The following HECW1 variants were observed in gnomAD, a reference collection of about 807,000 sequenced individuals.
HECW1 encodes E3 ubiquitin-protein ligase HECW1.
Under a neutral mutation model 182.3 loss-of-function variants are expected in HECW1, and 61 were observed. The ratio of observed to expected loss-of-function variants is 0.33; its 90% CI spans 0.27 to 0.41. The LOEUF (loss-of-function observed/expected upper bound fraction) is 0.41, where lower values mean the gene tolerates loss of function less well. Among genes scored for constraint, HECW1 ranks in the 10% least tolerant of loss-of-function variants. The pLI is 1.00. For missense variants in HECW1, 1,739 were observed against 2,108.9 expected (o/e 0.82, Z 3.44); for synonymous variants, 859 against 832.6 (o/e 1.03, Z -0.55).
chr7:43,277,511 T>A (rs1368746686), intron 3 of HECW1, among the ~76,000 whole-genome samples: 1 of 152,118 alleles, frequency 6.6e-6, no homozygotes, highest in Non-Finnish European at 1.5e-5. Context: ...TAAGAACCCA[T>A]GACTGTATTC....
Position 43,416,350 on chromosome 7 carries a change from G to A in HECW1, c.801+8619G>A, listed in dbSNP as rs1312396973. On this transcript the variant is annotated intron_variant, in intron 8 of 29. Coordinates refer to ENST00000395891, the MANE Select transcript of HECW1 (RefSeq NM_015052.5). ...CCCAGTTAGGCTGCTCGGGGGTCAGGGGTCAGGGACCCACTTGAGGAGGCA... is the reference window on the plus strand; with the variant it reads ...CCCAGTTAGGCTGCTCGGGGGTCAGAGGTCAGGGACCCACTTGAGGAGGCA... Among the ~76,000 whole-genome samples, 82 of 147,650 alleles carry A rather than the reference G, an allele frequency of 5.6e-4. 1 individual carries two copies. Among genetic ancestry groups the A allele is most frequent in the Admixed American group, 1.3e-3 (19 of 14,860 alleles).
At chr7:43,187,304 C>T (rs1371245220) in intron 2 of HECW1, among the ~76,000 whole-genome samples, 2 of 151,870 alleles carry the variant, frequency 1.3e-5, no homozygotes, top group Non-Finnish European at 2.9e-5. Context: ...ATTCTCTTCA[C>T]TAGAAGTGAG....
At chr7:43,324,769 A>G (rs967891662) in intron 5 of HECW1, among the ~76,000 whole-genome samples, 2 of 152,236 alleles carry the variant, frequency 1.3e-5, no homozygotes, top group African/African-American at 4.8e-5. Flanking sequence ...GTACAACAGA[A>G]GCTCATTCTT....
At chr7:43,175,289 C>G (rs541391283) in intron 2 of HECW1, among the ~76,000 whole-genome samples, 1 of 152,178 alleles carries the variant, frequency 6.6e-6, no homozygotes, top group Non-Finnish European at 1.5e-5. Context: ...AATCCACTCT[C>G]AGCAATTTGT....
intron 2 of HECW1, among the ~76,000 whole-genome samples, chr7:43,169,625 T>C (rs1791470046): frequency 6.6e-6 from 1 of 152,268 alleles, no homozygotes; most frequent in African/African-American, 2.4e-5. Context: ...ATGACCAGTG[T>C]TATAAACTCC....
At chr7:43,412,182 T>C (rs2075823029) in intron 8 of HECW1, among the ~76,000 whole-genome samples, 1 of 152,136 alleles carries the variant, frequency 6.6e-6, no homozygotes, top group Non-Finnish European at 1.5e-5. Context: ...TACATTGAGT[T>C]AATTTTGTAC....
chr7:43,271,325 C>T (rs1802383313), intron 3 of HECW1, among the ~76,000 whole-genome samples: 1 of 152,114 alleles, frequency 6.6e-6, no homozygotes, highest in South Asian at 2.1e-4. Flanking sequence ...ACAACTCTCA[C>T]CTATTCAACA....
chr7:43,272,673 A>G (rs1802555577), intron 3 of HECW1, among the ~76,000 whole-genome samples: 1 of 152,156 alleles, frequency 6.6e-6, no homozygotes, highest in Non-Finnish European at 1.5e-5. Flanking sequence ...CAAAAAACAG[A>G]TGATGGCATG....
At chr7:43,195,132 C>A (rs778561948) in intron 2 of HECW1, among the ~76,000 whole-genome samples, 2 of 152,184 alleles carry the variant, frequency 1.3e-5, no homozygotes, top group Non-Finnish European at 2.9e-5. Context: ...GAAGGATTCC[C>A]AGATCCTAAG....
At chr7:43,336,860 G>A (rs989004721) in intron 5 of HECW1, among the ~76,000 whole-genome samples, 11 of 152,072 alleles carry the variant, frequency 7.2e-5, no homozygotes, top group Admixed American at 1.3e-4. Context: ...CTCCATCCAC[G>A]TTGCTGCGAA....
At chr7:43,377,187 T>C (rs1373137129) in intron 6 of HECW1, among the ~76,000 whole-genome samples, 2 of 152,070 alleles carry the variant, frequency 1.3e-5, no homozygotes, top group African/African-American at 4.8e-5. Flanking sequence ...CCCAGGCCCA[T>C]CTCCTCCTCC....
intron 24 of HECW1, among the ~76,000 whole-genome samples, chr7:43,533,836 C>T (rs1439860597): frequency 6.6e-6 from 1 of 152,090 alleles, no homozygotes; most frequent in East Asian, 1.9e-4. Flanking sequence ...TTGGGTCTCC[C>T]AAGTCTGAAG....
chr7:43,548,302 G>C (rs180758439), intron 26 of HECW1, among the ~76,000 whole-genome samples: 1 of 151,396 alleles, frequency 6.6e-6, no homozygotes, highest in Non-Finnish European at 1.5e-5. Context: ...GGTCATCTGC[G>C]AGTTTTTTCA....
At position 43,471,386 on chromosome 7, in the gene HECW1, C is replaced by G. The variant is rs569967604; in HGVS notation, c.3099+2281C>G. 5.3e-5 allele frequency among the ~76,000 whole-genome samples: 8 copies of G among 152,326 alleles called. No homozygotes were observed. In the East Asian group the frequency reaches 1.3e-3, roughly 26 times the overall value. ...CATAGCTGGCCAGAGCAGGTCCTTG[C>G]CCCTCACCCTGGACAATCTGCTTCT... is the stretch of plus-strand genomic sequence containing the variant. On this transcript the variant is annotated intron_variant, in intron 16 of 29. Coordinates refer to ENST00000395891, the MANE Select transcript of HECW1 (RefSeq NM_015052.5).
intron 3 of HECW1, among the ~76,000 whole-genome samples, chr7:43,270,535 T>G (rs1802281081): frequency 6.6e-6 from 1 of 152,296 alleles, no homozygotes; most frequent in Admixed American, 6.5e-5. Context: ...ACATTGTTAC[T>G]CCTGCTGAAT....
At chr7:43,279,893 G>A (rs904844846) in intron 3 of HECW1, among the ~76,000 whole-genome samples, 2 of 152,200 alleles carry the variant, frequency 1.3e-5, no homozygotes, top group African/African-American at 2.4e-5. Flanking sequence ...TGCTCAGTGG[G>A]CCTTTCCCCT....
chr7:43,557,803 G>A (rs908146783), intron 29 of HECW1, among the ~76,000 whole-genome samples: 6 of 151,932 alleles, frequency 3.9e-5, no homozygotes, highest in African/African-American at 7.2e-5. Flanking sequence ...TTGCACATAT[G>A]TGTGTGTATA....
chr7:43,463,549 C>T, intron 13 of HECW1, 111 bp from the exon 14 acceptor site: 1 of 993,706 alleles, frequency 1.0e-6, no homozygotes. Context: ...CATTTCTTTC[C>T]TGACATTCAA....
At chr7:43,155,667 G>A (rs1789807745) in intron 2 of HECW1, among the ~76,000 whole-genome samples, 1 of 152,170 alleles carries the variant, frequency 6.6e-6, no homozygotes, top group Non-Finnish European at 1.5e-5. Flanking sequence ...TACTCAGTTT[G>A]TATTACCGTT....
Sources: allele counts gnomAD v4.1 joint callset (sites outside exome capture counted in the v4.1 genomes callset), GRCh38; gene constraint gnomAD v4.1.1; transcripts MANE v1.5; gene names NCBI Gene and HGNC (gene_info 2026-07-23, HGNC 2026-07-21).